CDKAL1: variants seen among roughly 807,000 people sequenced by gnomAD.
CDKAL1 encodes the protein CDKAL1 threonylcarbamoyladenosine tRNA methylthiotransferase, also known as threonylcarbamoyladenosine tRNA methylthiotransferase.
CDKAL1 carries 32 observed loss-of-function variants against 68.2 expected under a neutral mutation model. The observed-to-expected ratio is 0.47, with a 90% CI of 0.35 to 0.63. CDKAL1 has a LOEUF of 0.63. Among genes scored for constraint, CDKAL1 ranks in the 30% least tolerant of loss-of-function variants. The pLI, the probability that CDKAL1 is intolerant of heterozygous loss-of-function variation, is 0.00. For synonymous variants in CDKAL1, 234 were observed against 244.3 expected (o/e 0.96, Z 0.39); for missense variants, 606 against 696.7 (o/e 0.87, Z 1.47).
intron 13 of CDKAL1, among the ~76,000 whole-genome samples, chr6:21,173,850 C>A (rs1777482197): frequency 6.6e-6 from 1 of 152,104 alleles, no homozygotes; most frequent in African/African-American, 2.4e-5. Flanking sequence ...CAAGAGTAAT[C>A]CTTGAGGACA....
chr6:20,859,021 T>TTATC (rs1759479478), intron 9 of CDKAL1, among the ~76,000 whole-genome samples: 1 of 152,166 alleles, frequency 6.6e-6, no homozygotes, highest in Non-Finnish European at 1.5e-5. Flanking sequence ...GAATTGCATA[T>TTATC]TATCCATTTT....
intron 13 of CDKAL1, among the ~76,000 whole-genome samples, chr6:21,113,650 G>GTCC (rs1774237346): frequency 6.6e-6 from 1 of 151,788 alleles, no homozygotes; most frequent in African/African-American, 2.4e-5. Flanking sequence ...TGTATTTTTA[G>GTCC]TAGAGATGGG....
At chr6:20,720,026 A>G (rs1004182027) in intron 5 of CDKAL1, among the ~76,000 whole-genome samples, 4 of 152,156 alleles carry the variant, frequency 2.6e-5, no homozygotes, top group African/African-American at 7.2e-5. Context: ...TTTGACCTGT[A>G]GCCTTTCCGT....
At chr6:20,808,746 T>A (rs1421987276) in intron 8 of CDKAL1, among the ~76,000 whole-genome samples, 1 of 152,114 alleles carries the variant, frequency 6.6e-6, no homozygotes, top group Non-Finnish European at 1.5e-5. Context: ...ACAGAAAATA[T>A]GGATGCTATT....
At chr6:20,810,445 C>G (rs74442125) in intron 8 of CDKAL1, among the ~76,000 whole-genome samples, 1 of 126,854 alleles carries the variant, frequency 7.9e-6, no homozygotes, top group African/African-American at 2.9e-5. Context: ...CACACACACA[C>G]GTGGTGTCAT....
At chr6:21,203,328 C>T (rs935182454) in intron 15 of CDKAL1, among the ~76,000 whole-genome samples, 1 of 149,316 alleles carries the variant, frequency 6.7e-6, no homozygotes, top group Non-Finnish European at 1.5e-5. Context: ...CCTCCACCCC[C>T]CAAGTTCAAG....
intron 4 of CDKAL1, among the ~76,000 whole-genome samples, chr6:20,621,337 C>T (rs559561000): frequency 1.3e-5 from 2 of 152,266 alleles, no homozygotes; most frequent in East Asian, 3.9e-4. Context: ...TTCACCACAT[C>T]ATATCCTGGG....
chr6:20,677,427 A>T (rs1370628360), intron 5 of CDKAL1, among the ~76,000 whole-genome samples: 1 of 146,430 alleles, frequency 6.8e-6, no homozygotes, highest in Non-Finnish European at 1.5e-5. Flanking sequence ...CGAAGGCTTT[A>T]TTTTTTTTTA....
chr6:20,876,098 A>G (rs1454986938), intron 9 of CDKAL1, among the ~76,000 whole-genome samples: 1 of 152,250 alleles, frequency 6.6e-6, no homozygotes, highest in African/African-American at 2.4e-5. Flanking sequence ...AAATGTAGGC[A>G]GTGTTTTACC....
intron 11 of CDKAL1, among the ~76,000 whole-genome samples, chr6:21,052,956 G>A (rs1167578818): frequency 6.6e-6 from 1 of 152,086 alleles, no homozygotes; most frequent in Non-Finnish European, 1.5e-5. Flanking sequence ...TCTTCAGAAA[G>A]GTATTTTTTT....
intron 5 of CDKAL1, among the ~76,000 whole-genome samples, chr6:20,738,922 G>A (rs1204198962): frequency 6.6e-6 from 1 of 152,170 alleles, no homozygotes; most frequent in Non-Finnish European, 1.5e-5. Flanking sequence ...GCACCAGCTT[G>A]TTTTCCCATA....
intron 13 of CDKAL1, among the ~76,000 whole-genome samples, chr6:21,132,944 AC>A (rs199658681): frequency 6.6e-6 from 1 of 152,148 alleles, no homozygotes; most frequent in East Asian, 1.9e-4. Context: ...TGATCCAGTT[AC>A]AAAGACAAAG....
At chr6:20,627,088 C>T (rs772260044) in intron 4 of CDKAL1, among the ~76,000 whole-genome samples, 3 of 152,098 alleles carry the variant, frequency 2.0e-5, no homozygotes, top group Non-Finnish European at 4.4e-5. Context: ...ATAGAGAATT[C>T]AGTCACCATC....
chr6:21,210,726 G>C lies in CDKAL1; in HGVS notation c.1548+9452G>C, dbSNP rs1779121351. Among the ~76,000 whole-genome samples, 2 of 152,180 alleles carry C rather than the reference G, an allele frequency of 1.3e-5. 1 individual carries two copies. Among genetic ancestry groups the C allele is most frequent in the South Asian group, 4.1e-4 (2 of 4,836 alleles). On this transcript the variant is annotated intron_variant, in intron 15 of 15. Coordinates refer to ENST00000274695, the MANE Select transcript of CDKAL1 (RefSeq NM_017774.3). ...AGATCTCTGATGACTTGAGGTATCA[G>C]GAAATGTATGGGTCAGGATTCTTTG...
intron 4 of CDKAL1, among the ~76,000 whole-genome samples, chr6:20,598,975 C>A (rs184622822): frequency 6.6e-6 from 1 of 151,916 alleles, no homozygotes; most frequent in Non-Finnish European, 1.5e-5. Context: ...ATATAAAAGT[C>A]TTTTCTGCTA....
intron 9 of CDKAL1, among the ~76,000 whole-genome samples, chr6:20,874,754 T>C (rs113766783): frequency 6.6e-6 from 1 of 151,756 alleles, no homozygotes; most frequent in Non-Finnish European, 1.5e-5. Context: ...CCGCCTACCT[T>C]GGCCTCCCAA....
chr6:20,710,100 G>A (rs560989539), intron 5 of CDKAL1, among the ~76,000 whole-genome samples: 95 of 152,234 alleles, frequency 6.2e-4, no homozygotes, highest in African/African-American at 2.1e-3. Flanking sequence ...AAACTTCCCT[G>A]AGTAATTAGG....
At chr6:20,749,367 A>G (rs1035571054) in intron 6 of CDKAL1, among the ~76,000 whole-genome samples, 1 of 151,812 alleles carries the variant, frequency 6.6e-6, no homozygotes. Context: ...CACACAACCC[A>G]TTTATGTTAT....
intron 11 of CDKAL1, among the ~76,000 whole-genome samples, chr6:21,016,965 A>G (rs1768374920): frequency 1.3e-5 from 2 of 152,234 alleles, no homozygotes; most frequent in African/African-American, 4.8e-5. Context: ...TAAAATAAAA[A>G]CGTTGTATTT....
Sources: allele counts gnomAD v4.1 joint callset (sites outside exome capture counted in the v4.1 genomes callset), GRCh38; gene constraint gnomAD v4.1.1; transcripts MANE v1.5; gene names NCBI Gene and HGNC (gene_info 2026-07-23, HGNC 2026-07-21).